Variants in TMOD3 observed in about 807,000 individuals in gnomAD.
TMOD3 encodes tropomodulin 3, also known as tropomodulin-3.
A neutral mutation model predicts 39.2 loss-of-function variants in TMOD3; 20 were observed. The ratio of observed to expected loss-of-function variants is 0.51; its 90% CI spans 0.36 to 0.74. The LOEUF is 0.74. Ranked by LOEUF, TMOD3 falls within the 30% of genes least tolerant of loss-of-function variation. TMOD3 has a pLI of 0.00. For missense variants in TMOD3, 381 were observed against 412.8 expected (o/e 0.92, Z 0.67); for synonymous variants, 143 against 145.8 (o/e 0.98, Z 0.14).
rs1238825128 is a variant in TMOD3 at position 51,892,595 on chromosome 15, C to T, written c.497-1220C>T. On this transcript the variant is annotated intron_variant, in intron 5 of 9. Transcript: ENST00000308580. ...TCCCTCTCTGCTCCTTATTCCTACC[C>T]TCTTTCCTATTCCTTCTTTCTCGCA... The T allele has an allele frequency of 2.0e-5, 3 of 152,300 alleles. No individual in the cohort carries two copies. In the East Asian group the frequency reaches 5.8e-4, roughly 29 times the overall value. 9.4% of individuals were successfully genotyped at this position (152,300 alleles called of 1,614,324 possible). A position where few individuals can be genotyped will look rare whatever the true frequency, so the allele number is the denominator to read the frequency against.
chr15:51,899,466 G>T (rs907949033), intron 7 of TMOD3, among the ~76,000 whole-genome samples: 3 of 152,244 alleles, frequency 2.0e-5, no homozygotes, highest in African/African-American at 7.2e-5. Context: ...AGGAGTTTGA[G>T]ACCAGCCTGG....
chr15:51,902,359 G>C (rs1357776158), intron 9 of TMOD3, among the ~76,000 whole-genome samples: 1 of 152,212 alleles, frequency 6.6e-6, no homozygotes, highest in East Asian at 1.9e-4. Flanking sequence ...TTATCGGAAA[G>C]TTTTTTGCCC....
chr15:51,854,383 A>G (rs77762658), intron 1 of TMOD3, among the ~76,000 whole-genome samples: 2,286 of 152,310 alleles, frequency 0.015, 65 homozygotes, highest in East Asian at 0.075. Context: ...AATATGAGTT[A>G]TATAAGGCTT....
intron 3 of TMOD3, among the ~76,000 whole-genome samples, chr15:51,886,380 G>A (rs1005428626): frequency 4.6e-5 from 7 of 152,260 alleles, no homozygotes; most frequent in African/African-American, 1.7e-4. Flanking sequence ...GGGCAACATT[G>A]AGCACTGAGT....
chr15:51,853,963 A>AT (rs979071054), intron 1 of TMOD3, among the ~76,000 whole-genome samples: 4 of 152,078 alleles, frequency 2.6e-5, no homozygotes, highest in African/African-American at 9.7e-5. Context: ...GAATGAATGC[A>AT]TTTTTTCTAG....
At chr15:51,860,265 G>T in intron 1 of TMOD3, 1 of 520,552 alleles carries the variant, frequency 1.9e-6, no homozygotes, top group South Asian at 1.4e-5. Flanking sequence ...TGAAAGCAGT[G>T]ACACATGAAA....
rs1423250434 is a variant in TMOD3 at position 51,913,368 on chromosome 15, G to A, written c.*4558G>A. 6.6e-6 allele frequency: 1 copy of A among 152,182 alleles called. No homozygotes were observed. Among genetic ancestry groups the A allele is most frequent in the Non-Finnish European group, 1.5e-5 (1 of 68,024 alleles). The allele number at this position is 152,182 out of a possible 1,614,324, so 9.4% of individuals were successfully genotyped here. A position where few individuals can be genotyped will look rare whatever the true frequency, so the allele number is the denominator to read the frequency against. ...TACTAACATAGTGTTCAAAGGAAATGCTTATTGGAGCATTTAGAATTTCAG... is the reference window on the plus strand; with the variant it reads ...TACTAACATAGTGTTCAAAGGAAATACTTATTGGAGCATTTAGAATTTCAG... On this transcript the variant is annotated 3_prime_UTR_variant, in exon 10 of 10. Coordinates refer to ENST00000308580, the MANE Select transcript of TMOD3 (RefSeq NM_014547.5).
chr15:51,896,562 A>C, intron 7 of TMOD3, 36 bp downstream of exon 7: 1 of 1,496,872 alleles, frequency 6.7e-7, no homozygotes, highest in South Asian at 1.1e-5. Flanking sequence ...AAATTATGAC[A>C]TGCCCAGGGT....
At chr15:51,838,855 A>T (rs2056299348) in intron 1 of TMOD3, among the ~76,000 whole-genome samples, 1 of 152,094 alleles carries the variant, frequency 6.6e-6, no homozygotes, top group South Asian at 2.1e-4. Flanking sequence ...CTTATGTCTC[A>T]ACTTGAGTTT....
chr15:51,866,348 C>T (rs1160648375), intron 2 of TMOD3, among the ~76,000 whole-genome samples: 1 of 152,050 alleles, frequency 6.6e-6, no homozygotes, highest in South Asian at 2.1e-4. Context: ...GTTCCAGTTA[C>T]TCCAGAGGCC....
At chr15:51,838,137 T>C (rs2056295669) in intron 1 of TMOD3, among the ~76,000 whole-genome samples, 1 of 152,168 alleles carries the variant, frequency 6.6e-6, no homozygotes, top group Non-Finnish European at 1.5e-5. Flanking sequence ...TTCTTCTTCT[T>C]GCCCTGGATT....
intron 1 of TMOD3, among the ~76,000 whole-genome samples, chr15:51,862,394 T>C (rs1405206131): frequency 6.6e-6 from 1 of 152,236 alleles, no homozygotes; most frequent in Non-Finnish European, 1.5e-5. Context: ...ATATTAATAC[T>C]GAGTCATATT....
rs533637744 is a variant in TMOD3, at chr15:51,864,585, C to T, written c.126+1575C>T. ...CCACACAGAGGCACAGGGGGAAGCA[C>T]CTAGATTGGTCAGGAGGCAAAAGGA... is the stretch of plus-strand genomic sequence containing the variant. On this transcript the variant is annotated intron_variant, in intron 2 of 9. Transcript: ENST00000308580. 1.5e-3 allele frequency among the ~76,000 whole-genome samples: 228 copies of T among 152,128 alleles called. 4 individuals are homozygous for T. In the South Asian group the frequency reaches 0.036, roughly 24 times the overall value.
Position 51,872,599 on chromosome 15 carries a change from TG to T in TMOD3, c.283+3227del, listed in dbSNP as rs1457333657. On this transcript the variant is annotated intron_variant, in intron 3 of 9. Coordinates refer to ENST00000308580, the MANE Select transcript of TMOD3 (RefSeq NM_014547.5). Reference sequence around the variant, plus strand: ...ATATATTTTTTGTGAGGACCAAATTTGTTTTTTTTTTTTTTGGTTTGGTTTT... The same window carrying T: ...ATATATTTTTTGTGAGGACCAAATTTTTTTTTTTTTTTTTGGTTTGGTTTT... 1.5e-3 allele frequency among the ~76,000 whole-genome samples: 197 copies of T among 127,578 alleles called. 1 individual carries two copies. The highest frequency in any genetic ancestry group is 3.3e-3 in the South Asian group (14 of 4,278). 83.7% of individuals were successfully genotyped at this position (127,578 alleles called of 152,430 possible). A position where few individuals can be genotyped will look rare whatever the true frequency, so the allele number is the denominator to read the frequency against.
chr15:51,897,967 A>C (rs140103630), intron 7 of TMOD3, among the ~76,000 whole-genome samples: 1 of 151,974 alleles, frequency 6.6e-6, no homozygotes, highest in South Asian at 2.1e-4. Flanking sequence ...ACAGCCTCCT[A>C]ATTGGGTTAC....
chr15:51,900,816 G>A (rs1043765308), intron 8 of TMOD3, among the ~76,000 whole-genome samples: 1 of 152,128 alleles, frequency 6.6e-6, no homozygotes, highest in Non-Finnish European at 1.5e-5. Flanking sequence ...ATTTAACCCA[G>A]TGCTTCATAA....
chr15:51,875,854 G>A (rs1200392764), intron 3 of TMOD3, among the ~76,000 whole-genome samples: 16 of 151,910 alleles, frequency 1.1e-4, no homozygotes, highest in Non-Finnish European at 1.8e-4. Flanking sequence ...TCCTGACCTC[G>A]TGATCCACCC....
intron 1 of TMOD3, chr15:51,859,035 A>ATAT (rs2056402733): frequency 5.4e-6 from 2 of 370,010 alleles, no homozygotes; most frequent in Non-Finnish European, 9.9e-6. Flanking sequence ...TAAAAAATTA[A>ATAT]CAAGTTAATA....
Position 51,862,791 on chromosome 15 carries a change from T to C in TMOD3, c.-74-20T>C. 3.9e-6 allele frequency: 5 copies of C among 1,271,716 alleles called. No individual in the cohort carries two copies. Among genetic ancestry groups the C allele is most frequent in the Non-Finnish European group, 5.3e-6 (5 of 935,036 alleles). 78.8% of individuals were successfully genotyped at this position (1,271,716 alleles called of 1,614,324 possible). ...GAGATGACTTACTATTTAAAATGTA[T>C]TTGTTTCTTCTCTCCATAGCTTTAA... On this transcript the variant is annotated intron_variant, in intron 1 of 9. Transcript: ENST00000308580.
Sources: gnomAD v4.1 joint callset for allele counts (sites outside exome capture counted in the v4.1 genomes callset) on GRCh38, gnomAD v4.1.1 for gene constraint, MANE v1.5 for transcripts, NCBI Gene and HGNC (gene_info 2026-07-23, HGNC 2026-07-21) for gene names.